The following PRKG1 variants were observed in gnomAD, a reference collection of about 807,000 sequenced individuals.
The protein encoded by PRKG1 is protein kinase cGMP-dependent 1.
In PRKG1, 35 loss-of-function variants were observed where a neutral mutation model predicts 88.1. The observed-to-expected ratio is 0.40, with a 90% CI of 0.30 to 0.53. The LOEUF (loss-of-function observed/expected upper bound fraction) is 0.53. Among genes scored for constraint, PRKG1 ranks in the 20% least tolerant of loss-of-function variants. The probability of loss-of-function intolerance (pLI) is 0.59; values close to 1 mark genes in which losing one functional copy is unlikely to be tolerated. For synonymous variants in PRKG1, 303 were observed against 292.5 expected (o/e 1.04, Z -0.37); for missense variants, 540 against 839.8 (o/e 0.64, Z 4.41).
intron 9 of PRKG1, among the ~76,000 whole-genome samples, chr10:52,204,871 C>T (rs1057213944): frequency 3.3e-5 from 5 of 152,090 alleles, no homozygotes; most frequent in Non-Finnish European, 7.3e-5. Context: ...GTCTGGCTGC[C>T]CGTTGGCTGG....
At chr10:52,284,481 G>T (rs1273792120) in intron 14 of PRKG1, among the ~76,000 whole-genome samples, 1 of 149,418 alleles carries the variant, frequency 6.7e-6, no homozygotes, top group Non-Finnish European at 1.5e-5. Flanking sequence ...GTGGTGGTAA[G>T]AGACGGTGGC....
chr10:51,227,672 G>A (rs991333414), intron 2 of PRKG1, among the ~76,000 whole-genome samples: 3 of 152,046 alleles, frequency 2.0e-5, no homozygotes, highest in Non-Finnish European at 4.4e-5. Context: ...TTTAGAGTTT[G>A]GTTTTAAAAG....
chr10:52,011,132 T>G (rs1844868822), intron 5 of PRKG1, among the ~76,000 whole-genome samples: 1 of 152,226 alleles, frequency 6.6e-6, no homozygotes, highest in Non-Finnish European at 1.5e-5. Context: ...TATTAATTGT[T>G]GGTAGATAGA....
intron 1 of PRKG1, among the ~76,000 whole-genome samples, chr10:51,017,617 A>G (rs1843084227): frequency 6.6e-6 from 1 of 152,082 alleles, no homozygotes; most frequent in African/African-American, 2.4e-5. Context: ...TACTGATATG[A>G]CCCAGTTATA....
At chr10:52,293,218 C>T (rs182299796) in intron 17 of PRKG1, among the ~76,000 whole-genome samples, 4 of 151,412 alleles carry the variant, frequency 2.6e-5, no homozygotes, top group East Asian at 3.9e-4. Context: ...TGTGAAGGAC[C>T]TCTTCAAGGA....
chr10:51,146,390 T>A (rs977474303), intron 1 of PRKG1, among the ~76,000 whole-genome samples: 8 of 151,776 alleles, frequency 5.3e-5, no homozygotes, highest in African/African-American at 1.5e-4. Context: ...TTTTGAGATA[T>A]GTTTATTCAG....
chr10:51,509,770 A>G (rs74132521), intron 3 of PRKG1, among the ~76,000 whole-genome samples: 2,637 of 152,306 alleles, frequency 0.017, 52 homozygotes, highest in African/African-American at 0.044. Context: ...TCCATTTTAT[A>G]CATGAGTAAA....
chr10:51,936,646 G>A (rs886931070), intron 5 of PRKG1, among the ~76,000 whole-genome samples: 2 of 151,982 alleles, frequency 1.3e-5, no homozygotes, highest in Non-Finnish European at 2.9e-5. Context: ...TAGAGAGTAT[G>A]AGAAAAGCTA....
chr10:51,005,778 C>T (rs1307179524), intron 1 of PRKG1, among the ~76,000 whole-genome samples: 2 of 152,204 alleles, frequency 1.3e-5, no homozygotes, highest in East Asian at 3.8e-4. Context: ...AAGAGCTGCT[C>T]AGAGTGCTAG....
intron 3 of PRKG1, among the ~76,000 whole-genome samples, chr10:51,748,269 C>A (rs1313522320): frequency 6.6e-6 from 1 of 152,186 alleles, no homozygotes; most frequent in Admixed American, 6.5e-5. Flanking sequence ...CGTAACTAAC[C>A]AAGTTCTCAT....
intron 4 of PRKG1, among the ~76,000 whole-genome samples, chr10:51,874,239 C>G (rs973942882): frequency 6.6e-6 from 1 of 152,204 alleles, no homozygotes; most frequent in African/African-American, 2.4e-5. Context: ...TGCCATCAAT[C>G]TGTGTGCTTA....
chr10:51,229,607 A>T (rs1309884423), intron 2 of PRKG1, among the ~76,000 whole-genome samples: 2 of 152,152 alleles, frequency 1.3e-5, no homozygotes, highest in African/African-American at 2.4e-5. Flanking sequence ...CTAACACATA[A>T]AAATGGGACT....
chr10:51,273,953 A>C (rs1008210964), intron 2 of PRKG1, among the ~76,000 whole-genome samples: 1 of 152,210 alleles, frequency 6.6e-6, no homozygotes, highest in African/African-American at 2.4e-5. Context: ...TCTCTTTTCC[A>C]AAGATGGAAT....
chr10:51,061,060 G>GGTGTGTGT lies in PRKG1; in HGVS notation c.266+69433_266+69440dup, dbSNP rs71029344. On this transcript the variant is annotated intron_variant, in intron 1 of 17. Transcript: ENST00000401604. ...ACAGTTTTACTGTGTTATACCTAGG[G>GGTGTGTGT]GTGTGTGTGTGTGTGTGTGTGTGTC... 7.4e-3 allele frequency among the ~76,000 whole-genome samples: 1,089 copies of GGTGTGTGT among 147,138 alleles called. 12 individuals carry two copies. Among genetic ancestry groups the GGTGTGTGT allele is most frequent in the Middle Eastern group, 0.028 (8 of 290 alleles).
intron 1 of PRKG1, among the ~76,000 whole-genome samples, chr10:51,088,335 A>G (rs573239646): frequency 1.0e-4 from 15 of 149,920 alleles, no homozygotes; most frequent in Admixed American, 3.3e-4. Context: ...AAGTTTATCA[A>G]TGCTTTCTGA....
At chr10:52,115,108 C>T (rs574770212) in intron 7 of PRKG1, among the ~76,000 whole-genome samples, 5 of 152,098 alleles carry the variant, frequency 3.3e-5, no homozygotes, top group Admixed American at 1.3e-4. Context: ...CTAAATAGTT[C>T]GCTTTTTACA....
At chr10:51,055,612 G>A (rs879305305) in intron 1 of PRKG1, among the ~76,000 whole-genome samples, 7 of 151,804 alleles carry the variant, frequency 4.6e-5, no homozygotes, top group East Asian at 3.9e-4. Context: ...GGTGGTGGTC[G>A]CCTATAGTCC....
At chr10:51,813,163 G>A (rs1044687270) in intron 4 of PRKG1, among the ~76,000 whole-genome samples, 2 of 152,096 alleles carry the variant, frequency 1.3e-5, no homozygotes, top group Non-Finnish European at 2.9e-5. Flanking sequence ...AAAATAAACA[G>A]CAAGTAATAA....
chr10:52,285,987 T>G (rs192031164), intron 14 of PRKG1, among the ~76,000 whole-genome samples: 2 of 152,180 alleles, frequency 1.3e-5, no homozygotes, highest in Admixed American at 1.3e-4. Context: ...TGTATGAATA[T>G]AATATTACAA....
Sources: gnomAD v4.1 joint callset for allele counts (sites outside exome capture counted in the v4.1 genomes callset) on GRCh38, gnomAD v4.1.1 for gene constraint, MANE v1.5 for transcripts, NCBI Gene and HGNC (gene_info 2026-07-23, HGNC 2026-07-21) for gene names.